The following ZNF780A variants were observed in gnomAD, a reference collection of about 807,000 sequenced individuals.
ZNF780A encodes zinc finger protein 780A.
In ZNF780A, 40 loss-of-function variants were observed where a neutral mutation model predicts 56.7. That is an observed-to-expected ratio of 0.71 (90% CI 0.55 to 0.92). The LOEUF (loss-of-function observed/expected upper bound fraction) is 0.92. ZNF780A is among the 40% of genes least tolerant of loss of function. The pLI, the probability that ZNF780A is intolerant of heterozygous loss-of-function variation, is 0.00. For missense variants in ZNF780A, 672 were observed against 783.3 expected (o/e 0.86, Z 1.70); for synonymous variants, 231 against 248.3 (o/e 0.93, Z 0.66).
At chr19:40,089,789 A>C (rs1975041567) in intron 2 of ZNF780A, among the ~76,000 whole-genome samples, 1 of 152,126 alleles carries the variant, frequency 6.6e-6, no homozygotes, top group Non-Finnish European at 1.5e-5. Context: ...TCCACTACCG[A>C]ATGCCTCACA....
chr19:40,072,019 C>G (rs1973835075), downstream of ZNF780A: 1 of 153,264 alleles, frequency 6.5e-6, no homozygotes, highest in African/African-American at 2.4e-5. Flanking sequence ...CCCTGCACTG[C>G]AGGCCATACA....
At chr19:40,082,050 G>C in intron 4 of ZNF780A, 136 bp from the exon 5 acceptor site, 1 of 536,140 alleles carries the variant, frequency 1.9e-6, no homozygotes, top group Non-Finnish European at 3.2e-6. Flanking sequence ...AAGAGTGAGA[G>C]GTTGAGTAAG....
intron 4 of ZNF780A, 128 bp from the exon 5 acceptor site, chr19:40,082,042 G>A: frequency 5.2e-6 from 3 of 574,186 alleles, no homozygotes; most frequent in Non-Finnish European, 8.9e-6. Context: ...CTTCAGATAA[G>A]AGTGAGAGGT....
rs550614087 is a variant in ZNF780A at position 40,081,827 on chromosome 19, C to T, written c.224G>A (p.Arg75Gln). Residue 75 changes from arginine to glutamine, a missense_variant, in exon 5 of 6, where the codon CGG becomes CAG. Physicochemically the swap from Arg to Gln is conservative, Grantham distance 43. Coordinates refer to ENST00000683561, the MANE Select transcript of ZNF780A (RefSeq NM_001142578.2). The stretch of plus-strand genomic sequence containing the variant: ...GCTTTACCCTCACTTACCTGGATAC[C>T]GTCTGCTTGTTTCTTTCCTTACAAC... ...WMVVRKETSR[R>Q]YPDLELKYGP... 1.4e-5 allele frequency: 22 copies of T among 1,611,824 alleles called. No homozygotes were observed. The highest frequency in any genetic ancestry group is 2.7e-5 in the African/African-American group (2 of 74,920).
intron 2 of ZNF780A, chr19:40,089,139 C>A: frequency 1.1e-6 from 1 of 905,848 alleles, no homozygotes; most frequent in Non-Finnish European, 1.5e-6. Flanking sequence ...TAACAATATT[C>A]TGTAGTCTTG....
intron 5 of ZNF780A, among the ~76,000 whole-genome samples, chr19:40,077,386 G>T (rs930440626): frequency 2.2e-4 from 33 of 152,222 alleles, no homozygotes; most frequent in African/African-American, 7.9e-4. Context: ...GACAAAGAAT[G>T]TCACACAGCA....
At position 40,075,949 on chromosome 19, in the gene ZNF780A, A is replaced by G; in HGVS notation, c.493T>C (p.Tyr165His). 6.2e-7 allele frequency: 1 copy of G among 1,614,026 alleles called. No homozygotes were observed. The highest frequency in any genetic ancestry group is 8.5e-7 in the Non-Finnish European group (1 of 1,179,928). Reference protein sequence around the residue: ...ASLICNTHKPYECKECGKYFS... With the variant: ...ASLICNTHKPHECKECGKYFS... Reference sequence around the variant, plus strand: ...TATTTCCCACATTCCTTACATTCATACGGTTTATGTGTATTGCAAATAAGA... The same window carrying G: ...TATTTCCCACATTCCTTACATTCATGCGGTTTATGTGTATTGCAAATAAGA... Residue 165 changes from tyrosine (Y) to histidine (H), a missense_variant, in exon 6 of 6, where the codon TAT (tyrosine) becomes CAT (histidine). Coordinates refer to ENST00000683561, the MANE Select transcript of ZNF780A (RefSeq NM_001142578.2).
intron 1 of ZNF780A, chr19:40,090,491 T>C (rs1204220517): frequency 6.6e-6 from 1 of 152,200 alleles, no homozygotes; most frequent in African/African-American, 2.4e-5. Flanking sequence ...TGCGCTTTCT[T>C]GTGTAAAGCT....
chr19:40,084,454 C>A (rs1247361323), intron 3 of ZNF780A, among the ~76,000 whole-genome samples: 1 of 152,154 alleles, frequency 6.6e-6, no homozygotes, highest in Non-Finnish European at 1.5e-5. Flanking sequence ...GACCCTGTTT[C>A]CCTGTGGGGA....
chr19:40,085,558 T>G (rs1465653279), intron 2 of ZNF780A, among the ~76,000 whole-genome samples: 1 of 152,162 alleles, frequency 6.6e-6, no homozygotes, highest in Admixed American at 6.5e-5. Context: ...CCTCTGTGTA[T>G]TGTAGCTCCA....
In ZNF780A at chr19:40,075,707, A is replaced by G; in HGVS notation, c.735T>C (p.Gly245=). The stretch of plus-strand genomic sequence containing the variant: ...ATTCCTTACATTCAAACAGTTTCTC[A>G]CCTGTGTGAATGTTCTTATGGCGAT... ...LLNRHKNIHT[G]EKLFECKECG... The change falls in exon 6 of 6, where the codon GGT becomes GGC. Residue 245 remains glycine, a synonymous_variant. Transcript: ENST00000683561. 6.2e-7 allele frequency: 1 copy of G among 1,613,720 alleles called. No individual in the cohort carries two copies. Among genetic ancestry groups the G allele is most frequent in the Non-Finnish European group, 8.5e-7 (1 of 1,179,926 alleles).
Position 40,081,893 on chromosome 19 carries a change from T to A in ZNF780A, c.158A>T (p.Asp53Val). The A allele has an allele frequency of 6.2e-7, 1 of 1,612,090 alleles. No individual in the cohort carries two copies. Among genetic ancestry groups the A allele is most frequent in the Non-Finnish European group, 8.5e-7 (1 of 1,178,802 alleles). Residue 53 changes from aspartate (D) to valine (V), a missense_variant, in exon 5 of 6, where the codon GAT (aspartate) becomes GTT (valine). Asp to Val is a radical substitution (Grantham distance 152, BLOSUM62 -3). Coordinates refer to ENST00000683561, the MANE Select transcript of ZNF780A (RefSeq NM_001142578.2). ...CTCTTGCTCTAGTAACGTAATTACA[T>A]CTGGTTTAGAAATGGAACTTCCTGC... ...ISLGSSISKP[D>V]VITLLEQEKE...
chr19:40,072,752 T>TA, downstream of ZNF780A: 12 of 1,318,040 alleles, frequency 9.1e-6, no homozygotes, highest in Non-Finnish European at 1.2e-5. Flanking sequence ...GGAGAAATAA[T>TA]AAAAAACATA....
chr19:40,073,534 ATC>A lies in ZNF780A; in HGVS notation c.*980_*981del. 1.0e-6 allele frequency: 1 copy of A among 985,958 alleles called. No individual in the cohort carries two copies. Among genetic ancestry groups the A allele is most frequent in the Non-Finnish European group, 1.2e-6 (1 of 830,380 alleles). 61.1% of individuals were successfully genotyped at this position (985,958 alleles called of 1,614,324 possible). ...GCACAATTCAGCGAGGTATGCCTGTATCTGGTAAATTATTTCATAGGGAGTAC... is the reference window on the plus strand; with the variant it reads ...GCACAATTCAGCGAGGTATGCCTGTATGGTAAATTATTTCATAGGGAGTAC... On this transcript the variant is annotated 3_prime_UTR_variant, in exon 6 of 6. Coordinates refer to ENST00000683561, the MANE Select transcript of ZNF780A (RefSeq NM_001142578.2).
intron 2 of ZNF780A, among the ~76,000 whole-genome samples, chr19:40,088,317 CA>C (rs200066032): frequency 1.3e-5 from 2 of 149,248 alleles, no homozygotes; most frequent in Admixed American, 6.7e-5. Context: ...AACTCAACAG[CA>C]AAAAAAAACC....
In ZNF780A at chr19:40,074,805, T is replaced by A; in HGVS notation, c.1637A>T (p.Gln546Leu). 6.2e-7 allele frequency: 1 copy of A among 1,614,074 alleles called. No individual in the cohort carries two copies. Among genetic ancestry groups the A allele is most frequent in the Non-Finnish European group, 8.5e-7 (1 of 1,179,968 alleles). ...CTTTCCAGTATGAATACTTCGATGT[T>A]GATTAAGATTTGAACCACGACGAAA... is the stretch of plus-strand genomic sequence containing the variant. ...KFFRRGSNLNQHRSIHTGKKP... is the reference protein window; with the variant it reads ...KFFRRGSNLNLHRSIHTGKKP... Residue 546 changes from glutamine (Q) to leucine (L), a missense_variant, in exon 6 of 6, where the codon CAA (glutamine) becomes CTA (leucine). Physicochemically the swap from Gln to Leu is moderately radical, Grantham distance 113. Coordinates refer to ENST00000683561, the MANE Select transcript of ZNF780A (RefSeq NM_001142578.2).
At chr19:40,076,304 A>C (rs943836348) in intron 5 of ZNF780A, 95 bp from the exon 6 acceptor site, 3 of 1,256,070 alleles carry the variant, frequency 2.4e-6, no homozygotes, top group African/African-American at 3.0e-5. Flanking sequence ...ATTCAAACCA[A>C]TAAAACCTTT....
At chr19:40,072,543 A>G (rs977286312), downstream of ZNF780A, 5 of 205,286 alleles carry the variant, frequency 2.4e-5, no homozygotes, top group South Asian at 8.8e-4. Flanking sequence ...AGCGGGAGGG[A>G]CAATGATCAG....
At chr19:40,089,294 C>T (rs1352279776) in intron 2 of ZNF780A, 3 of 1,391,786 alleles carry the variant, frequency 2.2e-6, no homozygotes, top group Non-Finnish European at 2.8e-6. Context: ...TAAATACATA[C>T]AATTATATCT....
Sources: gnomAD v4.1 joint callset for allele counts (sites outside exome capture counted in the v4.1 genomes callset) on GRCh38, gnomAD v4.1.1 for gene constraint, MANE v1.5 for transcripts, NCBI Gene and HGNC (gene_info 2026-07-23, HGNC 2026-07-21) for gene names.